The following CDH12 variants were observed in gnomAD, a reference collection of about 807,000 sequenced individuals.
The protein encoded by CDH12 is cadherin 12.
CDH12 carries 41 observed loss-of-function variants against 74.1 expected under a neutral mutation model. That is an observed-to-expected ratio of 0.55 (90% CI 0.43 to 0.72). CDH12 has a LOEUF of 0.72. CDH12 is among the 30% of genes least tolerant of loss of function. The pLI is 0.00. For synonymous variants in CDH12, 399 were observed against 355.0 expected (o/e 1.12, Z -1.39); for missense variants, 945 against 977.2 (o/e 0.97, Z 0.44).
intron 3 of CDH12, among the ~76,000 whole-genome samples, chr5:22,227,899 C>T (rs1026650653): frequency 3.3e-5 from 5 of 152,072 alleles, no homozygotes; most frequent in Non-Finnish European, 5.9e-5. Context: ...TGAATGCTTT[C>T]GGATTGTCTT....
At chr5:22,661,091 T>C (rs1169364172) in intron 1 of CDH12, among the ~76,000 whole-genome samples, 1 of 151,738 alleles carries the variant, frequency 6.6e-6, no homozygotes, top group Non-Finnish European at 1.5e-5. Context: ...AGCCTGATAC[T>C]TCTAATGTGC....
intron 3 of CDH12, among the ~76,000 whole-genome samples, chr5:22,293,637 CAT>C (rs1491048638): frequency 1.3e-5 from 2 of 152,018 alleles, no homozygotes; most frequent in African/African-American, 2.4e-5. Flanking sequence ...CACACACACA[CAT>C]ACAACAAAAT....
At chr5:21,790,111 A>G (rs1475846211) in intron 10 of CDH12, among the ~76,000 whole-genome samples, 2 of 152,086 alleles carry the variant, frequency 1.3e-5, no homozygotes, top group Admixed American at 1.3e-4. Context: ...ACTCCTCAAG[A>G]GTTTTCCCAG....
At chr5:22,776,269 T>C (rs1186809399) in intron 1 of CDH12, among the ~76,000 whole-genome samples, 1 of 152,204 alleles carries the variant, frequency 6.6e-6, no homozygotes, top group Non-Finnish European at 1.5e-5. Flanking sequence ...CTGGGTACTC[T>C]ACCACTTTAC....
At chr5:21,833,676 C>G (rs1749367318) in intron 8 of CDH12, among the ~76,000 whole-genome samples, 1 of 124,390 alleles carries the variant, frequency 8.0e-6, no homozygotes, top group South Asian at 2.7e-4. Flanking sequence ...TCAGCACTTG[C>G]TGGCTCACCA....
At chr5:22,454,660 G>T (rs1580666235) in intron 2 of CDH12, among the ~76,000 whole-genome samples, 2 of 151,914 alleles carry the variant, frequency 1.3e-5, no homozygotes, top group Non-Finnish European at 1.5e-5. Flanking sequence ...TTTTTAGTAG[G>T]TACGGGGTTT....
chr5:22,482,800 G>A (rs918800757), intron 2 of CDH12, among the ~76,000 whole-genome samples: 4 of 152,118 alleles, frequency 2.6e-5, no homozygotes, highest in African/African-American at 9.7e-5. Flanking sequence ...ATATGATTGT[G>A]TCGGGGATTT....
At chr5:22,283,217 GATATATATA>G (rs1561281450) in intron 3 of CDH12, among the ~76,000 whole-genome samples, 1 of 78,106 alleles carries the variant, frequency 1.3e-5, no homozygotes, top group Non-Finnish European at 2.3e-5. Context: ...TATATATATA[GATATATATA>G]TATATATATA....
intron 3 of CDH12, among the ~76,000 whole-genome samples, chr5:22,297,336 A>G (rs977053510): frequency 2.0e-5 from 3 of 152,112 alleles, no homozygotes; most frequent in Non-Finnish European, 4.4e-5. Flanking sequence ...ATATATTTCT[A>G]TTTTAGAAAT....
In CDH12 at chr5:21,872,382, T is replaced by C. The variant is rs1178639280; in HGVS notation, c.527-17592A>G. Among the ~76,000 whole-genome samples, 5 of 152,224 alleles carry C rather than the reference T, an allele frequency of 3.3e-5. No individual in the cohort carries two copies. In the East Asian group the frequency reaches 7.7e-4, roughly 23 times the overall value. On this transcript the variant is annotated intron_variant, in intron 6 of 14. Transcript: ENST00000382254. ...ATGAGCACTTTATCTCTCAGCTGTGTGCCAAGAATTCTATAGTACCATAAA... is the reference window on the plus strand; with the variant it reads ...ATGAGCACTTTATCTCTCAGCTGTGCGCCAAGAATTCTATAGTACCATAAA...
intron 1 of CDH12, among the ~76,000 whole-genome samples, chr5:22,702,168 T>C (rs962097730): frequency 3.3e-5 from 5 of 152,104 alleles, no homozygotes; most frequent in Admixed American, 2.6e-4. Context: ...AGGGGTTGCC[T>C]TACACTAACT....
intron 1 of CDH12, among the ~76,000 whole-genome samples, chr5:22,529,148 C>CATGTGTATATATATAT (rs1737439126): frequency 1.1e-5 from 1 of 95,112 alleles, no homozygotes. Context: ...TATATATACA[C>CATGTGTATATATATAT]ATATATATAC....
chr5:22,810,934 C>CATATATATACTTACATATAT (rs1749107158), intron 1 of CDH12, among the ~76,000 whole-genome samples: 1 of 150,002 alleles, frequency 6.7e-6, no homozygotes, highest in African/African-American at 2.5e-5. Context: ...TGTGTGTATA[C>CATATATATACTTACATATAT]ACATATATAC....
At chr5:21,835,360 T>C (rs1448750088) in intron 8 of CDH12, among the ~76,000 whole-genome samples, 1 of 149,120 alleles carries the variant, frequency 6.7e-6, no homozygotes, top group Non-Finnish European at 1.5e-5. Context: ...ATGTTACGTA[T>C]GTGTGTGTAT....
intron 5 of CDH12, among the ~76,000 whole-genome samples, chr5:22,043,072 G>T (rs1739689240): frequency 6.6e-6 from 1 of 151,878 alleles, no homozygotes; most frequent in Non-Finnish European, 1.5e-5. Flanking sequence ...TACAGAGGAG[G>T]AAATTCTTCC....
intron 1 of CDH12, among the ~76,000 whole-genome samples, chr5:22,761,350 G>A (rs1021184377): frequency 6.6e-6 from 1 of 152,154 alleles, no homozygotes. Flanking sequence ...CATCTTGAAA[G>A]CAACTCATTC....
At chr5:22,431,146 G>A (rs1052160970) in intron 2 of CDH12, among the ~76,000 whole-genome samples, 2 of 152,126 alleles carry the variant, frequency 1.3e-5, no homozygotes. Context: ...TGGGAAATGT[G>A]TATTTCATTA....
chr5:22,302,718 A>G (rs1163042822), intron 3 of CDH12, among the ~76,000 whole-genome samples: 23 of 152,174 alleles, frequency 1.5e-4, no homozygotes, highest in Non-Finnish European at 4.4e-5. Flanking sequence ...ATCTAGAGAA[A>G]AAAGAAGGCA....
intron 1 of CDH12, among the ~76,000 whole-genome samples, chr5:22,690,009 G>C (rs774013991): frequency 6.6e-6 from 1 of 152,108 alleles, no homozygotes; most frequent in Non-Finnish European, 1.5e-5. Flanking sequence ...TTCAAAGATA[G>C]TTAGATTTAG....
Sources: gnomAD v4.1 joint callset for allele counts (sites outside exome capture counted in the v4.1 genomes callset) on GRCh38, gnomAD v4.1.1 for gene constraint, MANE v1.5 for transcripts, NCBI Gene and HGNC (gene_info 2026-07-23, HGNC 2026-07-21) for gene names.